The following COG2 variants were observed in gnomAD, a reference collection of about 807,000 sequenced individuals.
The protein encoded by COG2 is conserved oligomeric Golgi complex subunit 2.
In COG2, 52 loss-of-function variants were observed where a neutral mutation model predicts 90.6. That is an observed-to-expected ratio of 0.57 (90% CI 0.46 to 0.72). The LOEUF (loss-of-function observed/expected upper bound fraction) is 0.72, where lower values mean the gene tolerates loss of function less well. COG2 is among the 30% of genes least tolerant of loss of function. COG2 has a pLI of 0.00. For missense variants in COG2, 829 were observed against 891.2 expected (o/e 0.93, Z 0.89); for synonymous variants, 337 against 320.4 (o/e 1.05, Z -0.55).
At chr1:230,649,026 G>T (rs1399311036) in intron 1 of COG2, among the ~76,000 whole-genome samples, 1 of 152,166 alleles carries the variant, frequency 6.6e-6, no homozygotes, top group Non-Finnish European at 1.5e-5. Context: ...CAGGTTATAG[G>T]TTTTCTTTGC....
chr1:230,685,338 A>AT, intron 12 of COG2, 102 bp downstream of exon 12: 1 of 1,218,206 alleles, frequency 8.2e-7, no homozygotes, highest in Non-Finnish European at 1.2e-6. Context: ...TGAGAGGTTA[A>AT]TTCAGAGGAC....
chr1:230,670,249 T>C (rs951426493), intron 7 of COG2: 4 of 152,212 alleles, frequency 2.6e-5, no homozygotes, highest in Non-Finnish European at 4.4e-5. Context: ...TATTCAACAG[T>C]TTCTGACATA....
rs978793295 is a variant in COG2, at chr1:230,677,999, G to C, written c.1027-914G>C. 3 of 985,248 alleles carry C rather than the reference G, an allele frequency of 3.0e-6. No individual in the cohort carries two copies. The South Asian group carries it at 1.4e-4, about 46-fold the overall frequency. 61.0% of individuals were successfully genotyped at this position (985,248 alleles called of 1,614,324 possible). A position where few individuals can be genotyped will look rare whatever the true frequency, so the allele number is the denominator to read the frequency against. ...AACATAAGTTTGCCCAAAACCATTT[G>C]AAATAAATTTAAAGCCTGTAGTTTT... On this transcript the variant is annotated intron_variant, in intron 9 of 17. Coordinates refer to ENST00000366669, the MANE Select transcript of COG2 (RefSeq NM_007357.3).
intron 10 of COG2, chr1:230,682,326 C>G (rs990089331): frequency 6.6e-6 from 1 of 152,254 alleles, no homozygotes; most frequent in Non-Finnish European, 1.5e-5. Flanking sequence ...AATCCCATCT[C>G]CCTTGTTCCC....
In COG2 at chr1:230,693,407, T is replaced by C. The variant is rs776466090; in HGVS notation, c.*14T>C. 5.8e-6 allele frequency: 9 copies of C among 1,544,792 alleles called. No homozygotes were observed. Among genetic ancestry groups the C allele is most frequent in the Non-Finnish European group, 7.1e-6 (8 of 1,123,488 alleles). ...GAGCAGCCTTAAGCATCTTGGAAGA[T>C]CCCGAGGTTAGATTCTTAAGCAAGA... is the stretch of plus-strand genomic sequence containing the variant. On this transcript the variant is annotated 3_prime_UTR_variant, in exon 18 of 18. Transcript: ENST00000366669.
chr1:230,683,948 C>T (rs757013880), intron 11 of COG2, among the ~76,000 whole-genome samples: 2 of 151,940 alleles, frequency 1.3e-5, no homozygotes, highest in Admixed American at 6.6e-5. Context: ...TACACCACCA[C>T]GCCTAGTTAA....
chr1:230,643,085 C>T (rs527261526), intron 1 of COG2: 2 of 177,336 alleles, frequency 1.1e-5, no homozygotes, highest in East Asian at 3.0e-4. Context: ...CCTAGGGACT[C>T]GGGTCGGAAA....
chr1:230,650,510 A>C (rs1661889031), intron 1 of COG2, among the ~76,000 whole-genome samples: 1 of 152,106 alleles, frequency 6.6e-6, no homozygotes, highest in Non-Finnish European at 1.5e-5. Context: ...TTCTTTTGAG[A>C]AATGTCTGTT....
At position 230,654,888 on chromosome 1, in the gene COG2, C is replaced by G. The variant is rs985367587; in HGVS notation, c.73-4576C>G. 2.6e-5 allele frequency among the ~76,000 whole-genome samples: 4 copies of G among 152,236 alleles called. No individual in the cohort carries two copies. In the East Asian group the frequency reaches 7.7e-4, roughly 29 times the overall value. The stretch of plus-strand genomic sequence containing the variant: ...GAATGGGAGTTCACTCATGATTTGG[C>G]TCTCTGTTTGTCTGTTATTGGTGTA... On this transcript the variant is annotated intron_variant, in intron 1 of 17. Transcript: ENST00000366669.
At chr1:230,677,651 C>G (rs923709952) in intron 9 of COG2, among the ~76,000 whole-genome samples, 15 of 152,296 alleles carry the variant, frequency 9.8e-5, no homozygotes, top group Admixed American at 9.2e-4. Context: ...TTACAATTTG[C>G]TGTGTGCTTT....
Position 230,690,671 on chromosome 1 carries a change from C to A in COG2, c.1934+518C>A, listed in dbSNP as rs556042749. ...CTAATGAAATTTGCTTTTCCCAAAT[C>A]AAAAAGTGTGTTACTCAATTTTGTT... On this transcript the variant is annotated intron_variant, in intron 16 of 17. Transcript: ENST00000366669. Among the ~76,000 whole-genome samples the A allele has an allele frequency of 6.6e-5, 10 of 152,190 alleles. No individual in the cohort carries two copies. In the South Asian group the frequency reaches 2.1e-3, roughly 32 times the overall value.
At chr1:230,673,337 T>TG (rs1296957142) in intron 8 of COG2, among the ~76,000 whole-genome samples, 1 of 152,188 alleles carries the variant, frequency 6.6e-6, no homozygotes, top group East Asian at 1.9e-4. Flanking sequence ...GCATATCCCT[T>TG]TCCTTCCCTT....
At chr1:230,653,747 G>A (rs912147784) in intron 1 of COG2, among the ~76,000 whole-genome samples, 3 of 152,128 alleles carry the variant, frequency 2.0e-5, no homozygotes, top group African/African-American at 4.8e-5. Context: ...TCAAGAGGCC[G>A]CATCTGGTGG....
At position 230,691,396 on chromosome 1, in the gene COG2, C is replaced by G; in HGVS notation, c.1947C>G (p.Thr649=). The change falls in exon 17 of 18, where the codon ACC becomes ACG. Residue 649 remains threonine (T), a synonymous_variant. Coordinates refer to ENST00000366669, the MANE Select transcript of COG2 (RefSeq NM_007357.3). ...LSESTHKYYE[T]VSDVLNSVKK... ...TCTTCTATTCAAGGTACTATGAAAC[C>G]GTGTCAGATGTATTAAACTCTGTGA... 1 of 1,611,834 alleles carries G rather than the reference C, an allele frequency of 6.2e-7. No individual in the cohort carries two copies. The highest frequency in any genetic ancestry group is 8.5e-7 in the Non-Finnish European group (1 of 1,179,144).
chr1:230,642,688 G>A lies in COG2; in HGVS notation c.72+10G>A, dbSNP rs1304436201. The stretch of plus-strand genomic sequence containing the variant: ...GGACGAGTTCATGAAGGTGCGCGCG[G>A]CGTCCGCTCCCCGGAGCCGGGCCAT... On this transcript the variant is annotated intron_variant, in intron 1 of 17. Transcript: ENST00000366669. 12 of 1,610,914 alleles carry A rather than the reference G, an allele frequency of 7.4e-6. No homozygotes were observed. Among genetic ancestry groups the A allele is most frequent in the Non-Finnish European group, 1.0e-5 (12 of 1,178,826 alleles).
intron 5 of COG2, 152 bp downstream of exon 5, chr1:230,664,739 A>T (rs1662276982): frequency 3.9e-6 from 2 of 510,004 alleles, no homozygotes; most frequent in Non-Finnish European, 6.8e-6. Flanking sequence ...AGTGCATGAA[A>T]TGGTAAAGCT....
At chr1:230,648,501 T>C (rs2102741173) in intron 1 of COG2, among the ~76,000 whole-genome samples, 1 of 152,382 alleles carries the variant, frequency 6.6e-6, no homozygotes, top group Non-Finnish European at 1.5e-5. Context: ...TTTCCTAATG[T>C]GAAATACTTT....
At chr1:230,654,934 G>T (rs1474200612) in intron 1 of COG2, among the ~76,000 whole-genome samples, 2 of 152,104 alleles carry the variant, frequency 1.3e-5, no homozygotes, top group Non-Finnish European at 2.9e-5. Flanking sequence ...TGTGATTTTT[G>T]CACATTGATT....
intron 9 of COG2, chr1:230,678,658 A>C: frequency 5.0e-6 from 7 of 1,402,716 alleles, no homozygotes; most frequent in Non-Finnish European, 6.6e-6. Flanking sequence ...TTTAAAGAGC[A>C]CCAGACTTAG....
Sources: allele counts gnomAD v4.1 joint callset (sites outside exome capture counted in the v4.1 genomes callset), GRCh38; gene constraint gnomAD v4.1.1; transcripts MANE v1.5; gene names NCBI Gene and HGNC (gene_info 2026-07-23, HGNC 2026-07-21).